Variants in PCDHGB3 observed in about 807,000 individuals in gnomAD.
The protein encoded by PCDHGB3 is protocadherin gamma-B3.
A neutral mutation model predicts 59.2 loss-of-function variants in PCDHGB3; 40 were observed. The ratio of observed to expected loss-of-function variants is 0.68; its 90% CI spans 0.52 to 0.88. The LOEUF (loss-of-function observed/expected upper bound fraction) is 0.88, where lower values mean the gene tolerates loss of function less well. Among genes scored for constraint, PCDHGB3 ranks in the 40% least tolerant of loss-of-function variants. PCDHGB3 has a pLI of 0.00. For synonymous variants in PCDHGB3, 581 were observed against 503.6 expected, an observed-to-expected ratio of 1.15 and a Z score of -2.06; for missense variants, 1,309 against 1,187.9, an observed-to-expected ratio of 1.10 and a Z score of -1.50.
chr5:141,404,333 C>A, intron 1 of PCDHGB3: 3 of 1,613,854 alleles, frequency 1.9e-6, no homozygotes, highest in South Asian at 1.1e-5. Flanking sequence ...CTCAGTCTAC[C>A]TCCCGGAAAA....
chr5:141,472,324 G>A (rs1027842697), intron 1 of PCDHGB3, among the ~76,000 whole-genome samples: 2 of 150,650 alleles, frequency 1.3e-5, no homozygotes, highest in African/African-American at 2.4e-5. Flanking sequence ...GGCAGATCAC[G>A]AGGTTGGGAG....
In PCDHGB3 at chr5:141,493,664, G is replaced by A. The variant is rs2099749444; in HGVS notation, c.2416-1143G>A. Reference sequence around the variant, plus strand: ...TGGCCATCCCTGTGCCCTTCTCCATGGCAGCCCCAGAATGGTGCTGGTGAC... The same window carrying A: ...TGGCCATCCCTGTGCCCTTCTCCATAGCAGCCCCAGAATGGTGCTGGTGAC... On this transcript the variant is annotated intron_variant, in intron 1 of 3. Coordinates refer to ENST00000576222, the MANE Select transcript of PCDHGB3 (RefSeq NM_018924.5). This position sits in a 1 kb window ranked among gnomAD's most constrained non-coding sequence, Gnocchi z 4.3. Among the ~76,000 whole-genome samples, 1 of 152,136 alleles carries A rather than the reference G, an allele frequency of 6.6e-6. No homozygotes were observed. Among genetic ancestry groups the A allele is most frequent in the Non-Finnish European group, 1.5e-5 (1 of 68,026 alleles).
chr5:141,485,935 C>A lies in PCDHGB3; in HGVS notation c.2416-8872C>A. The stretch of plus-strand genomic sequence containing the variant: ...GCTACAGGATTAGTGTGTTGGAGAG[C>A]GCACCAGCGGGCATGGTGCTCATCC... On this transcript the variant is annotated intron_variant, in intron 1 of 3. Coordinates refer to ENST00000576222, the MANE Select transcript of PCDHGB3 (RefSeq NM_018924.5). This position sits in a 1 kb window ranked among gnomAD's most constrained non-coding sequence, Gnocchi z 5.7. The A allele has an allele frequency of 3.1e-6, 5 of 1,614,144 alleles. No homozygotes were observed. Among genetic ancestry groups the A allele is most frequent in the Non-Finnish European group, 3.4e-6 (4 of 1,180,030 alleles).
At position 141,404,057 on chromosome 5, in the gene PCDHGB3, T is replaced by G. The variant is rs558471539; in HGVS notation, c.2415+31248T>G. ...ACCTCAGGGAACAGTAATTCTTCTT[T>G]TCAATGCTCATGACCGAGACTCCGG... On this transcript the variant is annotated intron_variant, in intron 1 of 3. Coordinates refer to ENST00000576222, the MANE Select transcript of PCDHGB3 (RefSeq NM_018924.5). 9.5e-5 allele frequency: 154 copies of G among 1,613,894 alleles called. No individual in the cohort carries two copies. The East Asian group carries it at 3.4e-3, about 36-fold the overall frequency.
Position 141,372,030 on chromosome 5 carries a change from G to T in PCDHGB3, c.1636G>T (p.Val546Leu). 2 of 1,613,446 alleles carry T rather than the reference G, an allele frequency of 1.2e-6. No individual in the cohort carries two copies. Among genetic ancestry groups the T allele is most frequent in the Non-Finnish European group, 1.7e-6 (2 of 1,179,766 alleles). ...DQGSPTLSAN[V>L]SLRVLVDDRN... ...GGGCTCGCCTACGCTCAGCGCCAAC[G>T]TGAGCCTGCGCGTGTTGGTGGACGA... Residue 546 changes from valine to leucine, a missense_variant, in exon 1 of 4, where the codon GTG becomes TTG. Physicochemically the swap from Val to Leu is conservative, Grantham distance 32 (BLOSUM62 1). Transcript: ENST00000576222.
At chr5:141,441,916 C>T (rs1340767725) in intron 1 of PCDHGB3, 9 of 352,248 alleles carry the variant, frequency 2.6e-5, no homozygotes, top group Non-Finnish European at 4.9e-5. Context: ...AGATGTGAGA[C>T]ACAATGCGTG....
chr5:141,484,695 G>A (rs1371166304), intron 1 of PCDHGB3, among the ~76,000 whole-genome samples: 3 of 151,920 alleles, frequency 2.0e-5, no homozygotes, highest in Non-Finnish European at 4.4e-5. Context: ...TCAGGCTGTG[G>A]CTGTTTTCCC....
intron 1 of PCDHGB3, chr5:141,415,974 CAA>C (rs1192315813): frequency 2.7e-6 from 1 of 375,644 alleles, no homozygotes; most frequent in Non-Finnish European, 4.4e-6. Context: ...GCCCCTTAAG[CAA>C]CCCTCTTGTT....
rs936869534 is a variant in PCDHGB3, at chr5:141,371,001, G to T, written c.607G>T (p.Glu203Ter). The T allele has an allele frequency of 1.9e-6, 3 of 1,613,852 alleles. No homozygotes were observed. In the African/African-American group the frequency reaches 4.0e-5, roughly 22 times the overall value. ...ELVLKAPLDREEQPHHHLVLT... is the reference protein window; with the variant it reads ...ELVLKAPLDR ...AGTACTGAAAGCACCCCTGGACAGG[G>T]AAGAGCAGCCACATCACCACCTGGT... Residue 203 changes from glutamate to a stop codon, truncating the protein, a stop_gained, in exon 1 of 4, where the codon GAA (glutamate) becomes TAA (stop). Coordinates refer to ENST00000576222, the MANE Select transcript of PCDHGB3 (RefSeq NM_018924.5). LOFTEE classifies it high-confidence loss of function.
intron 1 of PCDHGB3, chr5:141,422,035 C>A: frequency 6.2e-7 from 1 of 1,611,086 alleles, no homozygotes; most frequent in South Asian, 1.1e-5. Flanking sequence ...TGCAACGGAT[C>A]CAGACGAGGG....
At chr5:141,423,591 A>G in intron 1 of PCDHGB3, 1 of 1,613,312 alleles carries the variant, frequency 6.2e-7, no homozygotes, top group South Asian at 1.1e-5. Context: ...GCTGTGAGAA[A>G]AGCGAGCCAC....
At position 141,489,135 on chromosome 5, in the gene PCDHGB3, G is replaced by T; in HGVS notation, c.2416-5672G>T. The T allele has an allele frequency of 1.4e-6, 1 of 725,448 alleles. No individual in the cohort carries two copies. The highest frequency in any genetic ancestry group is 2.1e-6 in the Non-Finnish European group (1 of 470,770). 44.9% of individuals were successfully genotyped at this position (725,448 alleles called of 1,614,324 possible). ...GCAAACCTCCGAGCAGTTTTTAAGA[G>T]GCTGGAAGGAGACATAAGAGACTTC... On this transcript the variant is annotated intron_variant, in intron 1 of 3. Coordinates refer to ENST00000576222, the MANE Select transcript of PCDHGB3 (RefSeq NM_018924.5). The surrounding 1 kb of genome is among the most constrained non-coding windows in gnomAD (Gnocchi z 4.5).
chr5:141,454,948 C>T (rs2098807728), intron 1 of PCDHGB3, among the ~76,000 whole-genome samples: 1 of 151,548 alleles, frequency 6.6e-6, no homozygotes, highest in Non-Finnish European at 1.5e-5. Flanking sequence ...GCTGGGACTA[C>T]AGGCGCCGGC....
rs755093164 is a variant in PCDHGB3, at chr5:141,485,516, G to C, written c.2416-9291G>C. On this transcript the variant is annotated intron_variant, in intron 1 of 3. Coordinates refer to ENST00000576222, the MANE Select transcript of PCDHGB3 (RefSeq NM_018924.5). The surrounding 1 kb of genome is among the most constrained non-coding windows in gnomAD (Gnocchi z 5.7). Reference sequence around the variant, plus strand: ...GGAGTTTGTCACCGAAGGTCCTTTGGAAATGTACCGAGCAGAGGTAGAGAT... The same window carrying C: ...GGAGTTTGTCACCGAAGGTCCTTTGCAAATGTACCGAGCAGAGGTAGAGAT... 1 of 1,614,172 alleles carries C rather than the reference G, an allele frequency of 6.2e-7. No individual in the cohort carries two copies.
chr5:141,371,184 G>C lies in PCDHGB3; in HGVS notation c.790G>C (p.Val264Leu). The change falls in exon 1 of 4, where the codon GTG becomes CTG. Residue 264 changes from valine to leucine, a missense_variant. Val to Leu is a conservative substitution (Grantham distance 32, BLOSUM62 1). Coordinates refer to ENST00000576222, the MANE Select transcript of PCDHGB3 (RefSeq NM_018924.5). Reference protein sequence around the residue: ...NLPAGSSVLKVMAIDMDEGIN... With the variant: ...NLPAGSSVLKLMAIDMDEGIN... ...GCCCGCTGGCTCCTCCGTATTAAAA[G>C]TGATGGCCATTGACATGGATGAGGG... 6.2e-7 allele frequency: 1 copy of C among 1,614,032 alleles called. No homozygotes were observed. Among genetic ancestry groups the C allele is most frequent in the Non-Finnish European group, 8.5e-7 (1 of 1,179,898 alleles).
At chr5:141,374,887 C>T (rs1248527882) in intron 1 of PCDHGB3, 1 of 1,613,670 alleles carries the variant, frequency 6.2e-7, no homozygotes. Flanking sequence ...CTGCCACCGA[C>T]CAGGATGAAG....
intron 3 of PCDHGB3, among the ~76,000 whole-genome samples, chr5:141,510,048 G>GTGAT (rs1392197406): frequency 1.3e-5 from 2 of 152,192 alleles, no homozygotes; most frequent in Non-Finnish European, 2.9e-5. Context: ...GAGGTTAAAA[G>GTGAT]TGATTGTGCA....
intron 1 of PCDHGB3, chr5:141,383,465 C>T: frequency 6.2e-7 from 1 of 1,613,792 alleles, no homozygotes; most frequent in Non-Finnish European, 8.5e-7. Flanking sequence ...GACGATGAAA[C>T]TAAGTACCCG....
chr5:141,390,486 G>GT (rs2092161053), intron 1 of PCDHGB3: 4 of 649,376 alleles, frequency 6.2e-6, no homozygotes, highest in Non-Finnish European at 7.7e-6. Flanking sequence ...ACATTTGTTT[G>GT]TTTTTTAGCC....
Sources: gnomAD v4.1 joint callset for allele counts (sites outside exome capture counted in the v4.1 genomes callset) on GRCh38, gnomAD v4.1.1 for gene constraint, Gnocchi (gnomAD v3.1) non-coding constraint, MANE v1.5 for transcripts, NCBI Gene and HGNC (gene_info 2026-07-23, HGNC 2026-07-21) for gene names.